SH3D19: variants seen among roughly 807,000 people sequenced by gnomAD.
SH3D19 encodes the protein SH3 domain-containing protein 19.
In SH3D19, 58 loss-of-function variants were observed where a neutral mutation model predicts 112.1. That is an observed-to-expected ratio of 0.52 (90% CI 0.42 to 0.64). SH3D19 has a LOEUF of 0.64. SH3D19 is among the 30% of genes least tolerant of loss of function. The pLI, the probability that SH3D19 is intolerant of heterozygous loss-of-function variation, is 0.00. For synonymous variants in SH3D19, 391 were observed against 448.5 expected, an observed-to-expected ratio of 0.87 and a Z score of 1.62; for missense variants, 1,090 against 1,263.4, an observed-to-expected ratio of 0.86 and a Z score of 2.08.
At chr4:151,283,056 G>C (rs746260273) in intron 1 of SH3D19, 69 of 1,520,260 alleles carry the variant, frequency 4.5e-5, no homozygotes, top group Non-Finnish European at 6.3e-5. Context: ...CATCATGACT[G>C]AATGCTGCCC....
intron 3 of SH3D19, among the ~76,000 whole-genome samples, chr4:151,182,704 C>T (rs1761139596): frequency 6.6e-6 from 1 of 152,220 alleles, no homozygotes. Context: ...TAGCTACAAA[C>T]ACTTTTGGTT....
chr4:151,283,886 A>C (rs1774490366), intron 1 of SH3D19, among the ~76,000 whole-genome samples: 1 of 152,152 alleles, frequency 6.6e-6, no homozygotes, highest in Admixed American at 6.5e-5. Flanking sequence ...CTCTATACCT[A>C]AAAGATGTCG....
At chr4:151,168,862 A>C (rs531996738) in intron 7 of SH3D19, among the ~76,000 whole-genome samples, 3 of 152,306 alleles carry the variant, frequency 2.0e-5, no homozygotes, top group African/African-American at 7.2e-5. Context: ...GTAATGACTT[A>C]AATTGTTTCC....
In SH3D19 at chr4:151,152,329, G is replaced by A. The variant is rs146837296; in HGVS notation, c.1756-2768C>T. ...GGCTCTCTGCATTTGCTTTTTGACA[G>A]TTTTTCTCTAGCTCTGATATCCCTG... On this transcript the variant is annotated intron_variant, in intron 9 of 19. Coordinates refer to ENST00000604030, the MANE Select transcript of SH3D19 (RefSeq NM_001378122.1). Among the ~76,000 whole-genome samples, 12 of 152,224 alleles carry A rather than the reference G, an allele frequency of 7.9e-5. No homozygotes were observed. In the East Asian group the frequency reaches 2.3e-3, roughly 29 times the overall value.
intron 1 of SH3D19, among the ~76,000 whole-genome samples, chr4:151,305,809 G>C (rs1342924507): frequency 6.6e-6 from 1 of 152,118 alleles, no homozygotes; most frequent in African/African-American, 2.4e-5. Context: ...ATATGATCCA[G>C]CAAACCTGTA....
At chr4:151,184,722 T>A (rs1267293694) in intron 3 of SH3D19, among the ~76,000 whole-genome samples, 1 of 152,208 alleles carries the variant, frequency 6.6e-6, no homozygotes, top group Non-Finnish European at 1.5e-5. Flanking sequence ...AGATCTCCTC[T>A]TTCCTTAACT....
At chr4:151,195,650 C>T (rs1763353285) in intron 2 of SH3D19, among the ~76,000 whole-genome samples, 1 of 151,620 alleles carries the variant, frequency 6.6e-6, no homozygotes, top group Non-Finnish European at 1.5e-5. Context: ...GGTGTTTTTA[C>T]ATATTAGTTC....
intron 1 of SH3D19, among the ~76,000 whole-genome samples, chr4:151,244,265 GGTTTT>G (rs1189763763): frequency 1.5e-4 from 23 of 152,138 alleles, no homozygotes; most frequent in South Asian, 6.2e-4. Flanking sequence ...AAGGGTTTTT[GGTTTT>G]GTTTTGTTTT....
chr4:151,236,080 T>C (rs1285248381), intron 1 of SH3D19, among the ~76,000 whole-genome samples: 4 of 152,258 alleles, frequency 2.6e-5, no homozygotes, highest in Non-Finnish European at 5.9e-5. Flanking sequence ...GGTTGAGAGA[T>C]GACAACGTGC....
At chr4:151,213,679 A>T (rs55950940) in intron 2 of SH3D19, among the ~76,000 whole-genome samples, 126,647 of 149,474 alleles carry the variant, frequency 0.85, 54,822 homozygotes, top group Non-Finnish European at 0.95. Context: ...TTAATTAATT[A>T]ATTAATTAAT....
chr4:151,288,010 A>G (rs1774987951), intron 1 of SH3D19, among the ~76,000 whole-genome samples: 1 of 152,098 alleles, frequency 6.6e-6, no homozygotes, highest in Non-Finnish European at 1.5e-5. Context: ...TCTTAGAATA[A>G]AGAGCAAAAA....
At chr4:151,294,856 CAGGATGGGAAATCCCACCTT>C (rs1775591907) in intron 1 of SH3D19, among the ~76,000 whole-genome samples, 1 of 152,142 alleles carries the variant, frequency 6.6e-6, no homozygotes, top group Admixed American at 6.5e-5. Context: ...ATAAGAGTAT[CAGGATGGGAAATCCCACCTT>C]AGGGTGGTCA....
intron 6 of SH3D19, among the ~76,000 whole-genome samples, chr4:151,176,136 C>T (rs539876509): frequency 3.9e-5 from 6 of 152,224 alleles, no homozygotes; most frequent in Admixed American, 2.0e-4. Flanking sequence ...TCTCCTAAAG[C>T]GTTGGGATTA....
intron 1 of SH3D19, among the ~76,000 whole-genome samples, chr4:151,231,175 C>CAT (rs1769577456): frequency 6.6e-6 from 1 of 152,112 alleles, no homozygotes; most frequent in Admixed American, 6.5e-5. Context: ...CATTATAAGA[C>CAT]ATAAGATATC....
intron 1 of SH3D19, among the ~76,000 whole-genome samples, chr4:151,285,686 G>C (rs1261200233): frequency 1.3e-5 from 2 of 152,060 alleles, no homozygotes; most frequent in East Asian, 3.9e-4. Context: ...GGGCAACATA[G>C]TGAGACCTTG....
chr4:151,204,159 T>C (rs954003286), intron 2 of SH3D19, among the ~76,000 whole-genome samples: 4 of 152,190 alleles, frequency 2.6e-5, no homozygotes, highest in Non-Finnish European at 5.9e-5. Flanking sequence ...AAACCCTACA[T>C]GAATTAGCAT....
intron 8 of SH3D19, among the ~76,000 whole-genome samples, chr4:151,161,056 T>G (rs1381671681): frequency 6.6e-6 from 1 of 152,130 alleles, no homozygotes; most frequent in Non-Finnish European, 1.5e-5. Flanking sequence ...AGAAAGGAGA[T>G]AGCTTACTGG....
intron 1 of SH3D19, among the ~76,000 whole-genome samples, chr4:151,234,110 C>T (rs1410646273): frequency 1.3e-5 from 2 of 152,200 alleles, no homozygotes; most frequent in East Asian, 3.8e-4. Flanking sequence ...TCTCCTAAAA[C>T]AATTCACATT....
At chr4:151,274,357 C>T (rs1773433916) in intron 1 of SH3D19, among the ~76,000 whole-genome samples, 1 of 152,180 alleles carries the variant, frequency 6.6e-6, no homozygotes, top group Non-Finnish European at 1.5e-5. Context: ...ACAATAGCCC[C>T]TGCAACTGAG....
Sources: gnomAD v4.1 joint callset for allele counts (sites outside exome capture counted in the v4.1 genomes callset) on GRCh38, gnomAD v4.1.1 for gene constraint, MANE v1.5 for transcripts, NCBI Gene and HGNC (gene_info 2026-07-23, HGNC 2026-07-21) for gene names.